TAP2: variants seen among roughly 807,000 people sequenced by gnomAD.
TAP2 encodes the protein antigen peptide transporter 2.
In TAP2, 49 loss-of-function variants were observed where a neutral mutation model predicts 74.7. The observed-to-expected ratio is 0.66, with a 90% CI of 0.52 to 0.83. The LOEUF is 0.83. TAP2 is among the 40% of genes least tolerant of loss of function. TAP2 has a pLI of 0.00. For synonymous variants in TAP2, 306 were observed against 368.4 expected, an observed-to-expected ratio of 0.83 and a Z score of 1.94; for missense variants, 739 against 859.0, an observed-to-expected ratio of 0.86 and a Z score of 1.75.
At chr6:32,830,198 G>A (rs1276429717) in intron 9 of TAP2, 69 bp downstream of exon 9, 15 of 1,612,254 alleles carry the variant, frequency 9.3e-6, no homozygotes, top group African/African-American at 5.3e-5. Flanking sequence ...GCGCCTTCCC[G>A]TGGATCTCCC....
rs113688380 is a variant in TAP2 at position 32,836,960 on chromosome 6, G to A, written c.608+577C>T. 3.2e-3 allele frequency among the ~76,000 whole-genome samples: 486 copies of A among 152,332 alleles called. 6 individuals carry two copies. Among genetic ancestry groups the A allele is most frequent in the African/African-American group, 0.011 (453 of 41,576 alleles). ...TTAAACTTTGCACCCCAGGTGCCTCGCTCACCTCATCCCAGTCCCAGCCTT... is the reference window on the plus strand; with the variant it reads ...TTAAACTTTGCACCCCAGGTGCCTCACTCACCTCATCCCAGTCCCAGCCTT... On this transcript the variant is annotated intron_variant, in intron 3 of 11. Coordinates refer to ENST00000374897, the MANE Select transcript of TAP2 (RefSeq NM_001290043.2).
intron 7 of TAP2, 114 bp from the exon 8 acceptor site, chr6:32,830,920 A>C: frequency 3.2e-6 from 3 of 951,404 alleles, no homozygotes; most frequent in Non-Finnish European, 4.9e-6. Context: ...CCATACTCAA[A>C]AGAGATTCTC....
chr6:32,831,459 T>G (rs1769071315), intron 7 of TAP2, among the ~76,000 whole-genome samples: 1 of 152,222 alleles, frequency 6.6e-6, no homozygotes, highest in African/African-American at 2.4e-5. Context: ...TGGCTGATGT[T>G]GCCACAAATA....
In TAP2 at chr6:32,826,704, A is replaced by C; in HGVS notation, c.*2202T>G. ...GATAAGTTTTCCACCCAGCTTTATC[A>C]TGATTAGCTGCGTGATTTCATGTCA... On this transcript the variant is annotated 3_prime_UTR_variant, in exon 12 of 12. Coordinates refer to ENST00000374897, the MANE Select transcript of TAP2 (RefSeq NM_001290043.2). The C allele has an allele frequency of 5.1e-6, 5 of 985,442 alleles. No individual in the cohort carries two copies. Among genetic ancestry groups the C allele is most frequent in the South Asian group, 9.4e-5 (2 of 21,282 alleles). 61.0% of individuals were successfully genotyped at this position (985,442 alleles called of 1,614,324 possible). A position where few individuals can be genotyped will look rare whatever the true frequency, so the allele number is the denominator to read the frequency against.
intron 5 of TAP2, among the ~76,000 whole-genome samples, chr6:32,834,687 A>C (rs1220914868): frequency 6.6e-6 from 1 of 152,202 alleles, no homozygotes; most frequent in Non-Finnish European, 1.5e-5. Context: ...GAAAAAGAGA[A>C]GGTGGAGCTG....
At chr6:32,823,671 T>C (rs1295903508), downstream of TAP2, among the ~76,000 whole-genome samples, 1 of 152,134 alleles carries the variant, frequency 6.6e-6, no homozygotes, top group Non-Finnish European at 1.5e-5. Flanking sequence ...ATTTATTTAG[T>C]TCAGTTAAGA....
At chr6:32,829,902 G>T (rs1366855186) in intron 10 of TAP2, 28 bp downstream of exon 10, 1 of 1,612,726 alleles carries the variant, frequency 6.2e-7, no homozygotes. Context: ...TTTACTGAAG[G>T]AGCAAGCTTA....
Position 32,832,230 on chromosome 6 carries a change from T to C in TAP2, c.1272+103A>G. The C allele has an allele frequency of 6.5e-7, 1 of 1,537,880 alleles. No homozygotes were observed. The highest frequency in any genetic ancestry group is 2.0e-5 in the Admixed American group (1 of 51,130). ...TAGCAAAATTACTTGCGGGTTTTGG[T>C]TTTGTATTGTATTGTTAAAAAGAAC... On this transcript the variant is annotated intron_variant, in intron 7 of 11. Transcript: ENST00000374897. The surrounding 1 kb of genome is among the most constrained non-coding windows in gnomAD (Gnocchi z 5.9).
At chr6:32,834,973 T>C (rs1769314832) in intron 5 of TAP2, among the ~76,000 whole-genome samples, 181 bp downstream of exon 5, 1 of 152,174 alleles carries the variant, frequency 6.6e-6, no homozygotes, top group African/African-American at 2.4e-5. Flanking sequence ...TCTTCTGAAG[T>C]CAAATATCCA....
At chr6:32,834,463 G>C (rs965915211) in intron 5 of TAP2, among the ~76,000 whole-genome samples, 3 of 152,216 alleles carry the variant, frequency 2.0e-5, no homozygotes, top group Non-Finnish European at 4.4e-5. Flanking sequence ...AAGGTACAAT[G>C]GAGGTTGCCA....
chr6:32,824,878 T>C (rs1217071258), downstream of TAP2, among the ~76,000 whole-genome samples: 1 of 152,084 alleles, frequency 6.6e-6, no homozygotes, highest in Non-Finnish European at 1.5e-5. Context: ...TTAATAGTCA[T>C]TTTTATTACT....
At position 32,835,807 on chromosome 6, in the gene TAP2, G is replaced by A; in HGVS notation, c.609-34C>T. 1.2e-6 allele frequency: 2 copies of A among 1,613,022 alleles called. No individual in the cohort carries two copies. Among genetic ancestry groups the A allele is most frequent in the Non-Finnish European group, 1.7e-6 (2 of 1,179,890 alleles). ...TAGGAGAATAAGAGGGGAGGGAGAT[G>A]CAGAGAAGGAGCAAGCCAGCGGGTG... On this transcript the variant is annotated intron_variant, in intron 3 of 11. Transcript: ENST00000374897. The surrounding 1 kb of genome is among the most constrained non-coding windows in gnomAD (Gnocchi z 4.0).
Position 32,827,481 on chromosome 6 carries a change from T to A in TAP2, c.*1425A>T. 2 of 438,110 alleles carry A rather than the reference T, an allele frequency of 4.6e-6. No individual in the cohort carries two copies. Among genetic ancestry groups the A allele is most frequent in the Non-Finnish European group, 6.1e-6 (2 of 330,306 alleles). The allele number at this position is 438,110 out of a possible 1,614,324, so 27.1% of individuals were successfully genotyped here. A position where few individuals can be genotyped will look rare whatever the true frequency, so the allele number is the denominator to read the frequency against. ...AGGTGGGAAAGGGAAGATAGAACTT[T>A]AAAAGGGCTGTGAAAGAGGTAACCG... On this transcript the variant is annotated 3_prime_UTR_variant, in exon 12 of 12. Transcript: ENST00000374897.
chr6:32,826,127 C>G lies in TAP2; in HGVS notation c.*2779G>C. ...AAACACAAGGAAGATCTTTGTTTTCCTTATTCCCTAGTCCTTTCCCCACAA... is the reference window on the plus strand; with the variant it reads ...AAACACAAGGAAGATCTTTGTTTTCGTTATTCCCTAGTCCTTTCCCCACAA... On this transcript the variant is annotated 3_prime_UTR_variant, in exon 12 of 12. Coordinates refer to ENST00000374897, the MANE Select transcript of TAP2 (RefSeq NM_001290043.2). 1.0e-6 allele frequency: 1 copy of G among 985,410 alleles called. No individual in the cohort carries two copies. 61.0% of individuals were successfully genotyped at this position (985,410 alleles called of 1,614,324 possible).
chr6:32,822,390 C>G (rs2857104), downstream of TAP2: 274,452 of 1,004,268 alleles, frequency 0.27, 40,230 homozygotes, highest in South Asian at 0.38. Context: ...AATCTGTTTG[C>G]AATGTTTTAT....
At position 32,835,090 on chromosome 6, in the gene TAP2, T is replaced by A. The variant is rs1165072554; in HGVS notation, c.945+64A>T. 1.3e-6 allele frequency: 2 copies of A among 1,555,098 alleles called. No homozygotes were observed. Among genetic ancestry groups the A allele is most frequent in the Non-Finnish European group, 8.8e-7 (1 of 1,132,366 alleles). ...CTCTAGGGGATCCTCTAGCCACAAA[T>A]GTGGAAGCCTCCTCACCTGTCAGTT... is the stretch of plus-strand genomic sequence containing the variant. On this transcript the variant is annotated intron_variant, in intron 5 of 11. Coordinates refer to ENST00000374897, the MANE Select transcript of TAP2 (RefSeq NM_001290043.2). The surrounding 1 kb of genome is among the most constrained non-coding windows in gnomAD (Gnocchi z 4.0).
Position 32,829,440 on chromosome 6 carries a change from T to A in TAP2, c.1892A>T (p.Asp631Val). 1 of 1,611,178 alleles carries A rather than the reference T, an allele frequency of 6.2e-7. No individual in the cohort carries two copies. The highest frequency in any genetic ancestry group is 8.5e-7 in the Non-Finnish European group (1 of 1,178,764). Residue 631 changes from aspartate (D) to valine (V), a missense_variant, in exon 11 of 12, where the codon GAT becomes GTT. Transcript: ENST00000374897. ...CACATCTAGGGCACTAGTAGCCTCA[T>A]CCAGGATGAGGACCCGCGGGTCTCG... ...LVRDPRVLIL[D>V]EATSALDVQC... is the part of the protein sequence containing the mutation.
chr6:32,827,225 C>G lies in TAP2; in HGVS notation c.*1681G>C. 1 of 985,350 alleles carries G rather than the reference C, an allele frequency of 1.0e-6. No individual in the cohort carries two copies. The highest frequency in any genetic ancestry group is 4.7e-5 in the South Asian group (1 of 21,272). The allele number at this position is 985,350 out of a possible 1,614,324, so 61.0% of individuals were successfully genotyped here. ...TCTCTTTCCTAGAATAGCAACTTTC[C>G]AAGGTAAGTCCCTCCCAACAACCAG... On this transcript the variant is annotated 3_prime_UTR_variant, in exon 12 of 12. Transcript: ENST00000374897.
Position 32,828,351 on chromosome 6 carries a change from CTG to C in TAP2, c.*553_*554del. On this transcript the variant is annotated 3_prime_UTR_variant, in exon 12 of 12. Transcript: ENST00000374897. ...CCTAGCTTCTTCAAAATAGCAGACACTGGTAGGAACAAGGAAGGATATAGGAA... is the reference window on the plus strand; with the variant it reads ...CCTAGCTTCTTCAAAATAGCAGACACGTAGGAACAAGGAAGGATATAGGAA... 1.0e-6 allele frequency: 1 copy of C among 985,570 alleles called. No individual in the cohort carries two copies. Among genetic ancestry groups the C allele is most frequent in the Non-Finnish European group, 1.2e-6 (1 of 830,088 alleles). 61.1% of individuals were successfully genotyped at this position (985,570 alleles called of 1,614,324 possible). A position where few individuals can be genotyped will look rare whatever the true frequency, so the allele number is the denominator to read the frequency against.
Sources: allele counts gnomAD v4.1 joint callset (sites outside exome capture counted in the v4.1 genomes callset), GRCh38; gene constraint gnomAD v4.1.1; non-coding constraint Gnocchi (gnomAD v3.1); transcripts MANE v1.5; gene names NCBI Gene and HGNC (gene_info 2026-07-23, HGNC 2026-07-21).